RAD23B: variants seen among roughly 807,000 people sequenced by gnomAD.
RAD23B encodes RAD23 nucleotide excision repair protein B.
RAD23B carries 5 observed loss-of-function variants against 49.1 expected under a neutral mutation model. The ratio of observed to expected loss-of-function variants is 0.10; its 90% CI spans 0.05 to 0.21. RAD23B has a LOEUF of 0.21. Ranked by LOEUF, RAD23B falls within the 10% of genes least tolerant of loss-of-function variation. The probability of loss-of-function intolerance (pLI) is 1.00; values close to 1 mark genes in which losing one functional copy is unlikely to be tolerated. For synonymous variants in RAD23B, 184 were observed against 165.4 expected (o/e 1.11, Z -0.86); for missense variants, 356 against 486.7 (o/e 0.73, Z 2.53).
chr9:107,294,453 G>T (rs1368190462), intron 1 of RAD23B, among the ~76,000 whole-genome samples: 1 of 152,142 alleles, frequency 6.6e-6, no homozygotes, highest in Non-Finnish European at 1.5e-5. Flanking sequence ...TACTGGAATG[G>T]GAGCATTGGT....
At chr9:107,300,953 C>G (rs1472823664) in intron 2 of RAD23B, among the ~76,000 whole-genome samples, 2 of 152,178 alleles carry the variant, frequency 1.3e-5, no homozygotes, top group African/African-American at 4.8e-5. Flanking sequence ...GGTCAGAATT[C>G]AGAAGCCTAA....
chr9:107,311,263 A>G (rs1402073523), intron 4 of RAD23B, among the ~76,000 whole-genome samples: 2 of 152,178 alleles, frequency 1.3e-5, no homozygotes, highest in South Asian at 2.1e-4. Flanking sequence ...AAGACTTTAT[A>G]GCCTAATTTG....
chr9:107,289,983 A>C (rs1262952708), intron 1 of RAD23B, among the ~76,000 whole-genome samples: 1 of 152,164 alleles, frequency 6.6e-6, no homozygotes, highest in Non-Finnish European at 1.5e-5. Flanking sequence ...CATGAGCACT[A>C]AGGAACATTA....
At chr9:107,292,119 A>G (rs1288420623) in intron 1 of RAD23B, among the ~76,000 whole-genome samples, 1 of 152,238 alleles carries the variant, frequency 6.6e-6, no homozygotes, top group Admixed American at 6.5e-5. Context: ...GTTTAAAAAA[A>G]TTAATTAGCA....
intron 1 of RAD23B, among the ~76,000 whole-genome samples, chr9:107,291,112 A>G (rs538045321): frequency 2.7e-4 from 41 of 152,326 alleles, no homozygotes; most frequent in Admixed American, 1.4e-3. Flanking sequence ...ATGACTGACA[A>G]TACATGAACA....
At chr9:107,329,508 G>T (rs754282825) in intron 9 of RAD23B, 35 bp from the exon 10 acceptor site, 17 of 1,262,768 alleles carry the variant, frequency 1.3e-5, no homozygotes, top group Non-Finnish European at 1.7e-5. Flanking sequence ...CATAATTGGT[G>T]TGTTGGATTT....
chr9:107,302,899 G>T (rs919761691), intron 3 of RAD23B, among the ~76,000 whole-genome samples: 3 of 151,960 alleles, frequency 2.0e-5, no homozygotes, highest in African/African-American at 7.2e-5. Flanking sequence ...CTCGTGATCC[G>T]CCCGCCTCGG....
At chr9:107,294,231 T>C (rs1833443320) in intron 1 of RAD23B, among the ~76,000 whole-genome samples, 1 of 152,248 alleles carries the variant, frequency 6.6e-6, no homozygotes, top group Non-Finnish European at 1.5e-5. Flanking sequence ...AGTACGTTTT[T>C]ATTTTTAAAT....
intron 1 of RAD23B, among the ~76,000 whole-genome samples, chr9:107,297,311 C>G (rs1826548184): frequency 6.6e-6 from 1 of 151,568 alleles, no homozygotes; most frequent in South Asian, 2.1e-4. Context: ...TGTTGAGCTC[C>G]CATTGTTATG....
intron 4 of RAD23B, among the ~76,000 whole-genome samples, chr9:107,310,248 T>C (rs1169757442): frequency 6.6e-6 from 1 of 151,948 alleles, no homozygotes; most frequent in Non-Finnish European, 1.5e-5. Flanking sequence ...ACGGATTTAA[T>C]GTAAAAGCAA....
intron 1 of RAD23B, among the ~76,000 whole-genome samples, chr9:107,291,933 A>T (rs1159393736): frequency 6.6e-6 from 1 of 152,176 alleles, no homozygotes; most frequent in East Asian, 1.9e-4. Context: ...TCTCTTTGAA[A>T]GTCCAGTTTT....
chr9:107,322,453 C>A (rs1036281230), intron 7 of RAD23B, among the ~76,000 whole-genome samples: 1 of 152,218 alleles, frequency 6.6e-6, no homozygotes, highest in Non-Finnish European at 1.5e-5. Flanking sequence ...CTTACTCTCT[C>A]CATAAATGTT....
intron 1 of RAD23B, among the ~76,000 whole-genome samples, chr9:107,296,666 C>T (rs1826530158): frequency 6.6e-6 from 1 of 151,690 alleles, no homozygotes. Flanking sequence ...TCCCGAGTAG[C>T]TGGGATTACA....
Position 107,283,688 on chromosome 9 carries a change from A to G in RAD23B, c.59A>G (p.Glu20Gly). The G allele has an allele frequency of 2.0e-6, 3 of 1,470,756 alleles. No homozygotes were observed. The allele number at this position is 1,470,756 out of a possible 1,614,324, so 91.1% of individuals were successfully genotyped here. The change falls in exon 1 of 10, where the codon GAG becomes GGG. Residue 20 changes from glutamate (E) to glycine (G), a missense_variant. By Grantham distance (98) the Glu-to-Gly change is moderately conservative. This residue lies in a region of RAD23B where 31 missense variants were observed against 23.5 expected (regional missense o/e 1.32). Transcript: ENST00000358015. Reference protein sequence around the residue: ...QQTFKIDIDPEETVKALKEKI... With the variant: ...QQTFKIDIDPGETVKALKEKI... ...ACCTTCAAGATAGACATTGACCCCG[A>G]GGAGACGGTATGCGCGCGGGCCGGG... is the stretch of plus-strand genomic sequence containing the variant.
intron 1 of RAD23B, among the ~76,000 whole-genome samples, chr9:107,296,953 C>T (rs1032235186): frequency 2.9e-4 from 44 of 149,590 alleles, no homozygotes; most frequent in Non-Finnish European, 4.4e-4. Context: ...CTCCCTGGTT[C>T]ATTTGGTTCC....
intron 5 of RAD23B, among the ~76,000 whole-genome samples, chr9:107,314,458 A>G (rs558192681): frequency 1.2e-4 from 18 of 152,246 alleles, no homozygotes; most frequent in Non-Finnish European, 2.6e-4. Flanking sequence ...TTACTGAGTT[A>G]TTTCATTTAG....
intron 3 of RAD23B, among the ~76,000 whole-genome samples, chr9:107,305,471 G>A (rs886807805): frequency 2.6e-5 from 4 of 152,094 alleles, no homozygotes; most frequent in African/African-American, 7.2e-5. Flanking sequence ...TAGAAGGAGA[G>A]GCAGGCACAC....
intron 1 of RAD23B, among the ~76,000 whole-genome samples, chr9:107,290,950 C>T (rs11573628): frequency 0.061 from 9,325 of 152,244 alleles, 403 homozygotes; most frequent in South Asian, 0.12. Context: ...CACAGTGAAT[C>T]GTACGAAGGA....
intron 4 of RAD23B, among the ~76,000 whole-genome samples, chr9:107,308,999 A>C (rs140041474): frequency 3.4e-4 from 51 of 152,192 alleles, no homozygotes; most frequent in African/African-American, 1.1e-3. Flanking sequence ...TTACAGTGCA[A>C]ATTCCACTTG....
Sources: gnomAD v4.1 joint callset for allele counts (sites outside exome capture counted in the v4.1 genomes callset) on GRCh38, gnomAD v4.1.1 for gene constraint, gnomAD v4.1.1 regional missense constraint, MANE v1.5 for transcripts, NCBI Gene and HGNC (gene_info 2026-07-23, HGNC 2026-07-21) for gene names.